MECOM: variants seen among roughly 807,000 people sequenced by gnomAD.
MECOM encodes the protein MDS1 and EVI1 complex locus.
A neutral mutation model predicts 116.3 loss-of-function variants in MECOM; 13 were observed. That is an observed-to-expected ratio of 0.11 (90% CI 0.07 to 0.18). The LOEUF (loss-of-function observed/expected upper bound fraction) is 0.18, where lower values mean the gene tolerates loss of function less well. Ranked by LOEUF, MECOM falls within the 10% of genes least tolerant of loss-of-function variation. The pLI, the probability that MECOM is intolerant of heterozygous loss-of-function variation, is 1.00. For synonymous variants in MECOM, 528 were observed against 535.2 expected (o/e 0.99, Z 0.19); for missense variants, 1,299 against 1,509.0 (o/e 0.86, Z 2.31).
At position 169,373,749 on chromosome 3, in the gene MECOM, C is replaced by G. The variant is rs1213522198; in HGVS notation, c.375+7438G>C. Among the ~76,000 whole-genome samples the G allele has an allele frequency of 3.3e-5, 5 of 152,034 alleles. No homozygotes were observed. In the South Asian group the frequency reaches 1.0e-3, roughly 31 times the overall value. On this transcript the variant is annotated intron_variant, in intron 2 of 16. Transcript: ENST00000651503. ...TTGGAGTAGTTTCCCTAGAATCACA[C>G]AGTTAGTGACAGAAGCAAGACTGGA...
intron 2 of MECOM, among the ~76,000 whole-genome samples, chr3:169,255,963 C>T (rs1182970492): frequency 1.3e-5 from 2 of 152,112 alleles, no homozygotes; most frequent in African/African-American, 4.8e-5. Context: ...TTACTCTTTT[C>T]CTGCCTTTCT....
chr3:169,614,397 T>C (rs1769721104), intron 1 of MECOM, among the ~76,000 whole-genome samples: 1 of 152,074 alleles, frequency 6.6e-6, no homozygotes, highest in South Asian at 2.1e-4. Flanking sequence ...CTGGATTAAT[T>C]TCAAATCAAT....
intron 1 of MECOM, among the ~76,000 whole-genome samples, chr3:169,433,325 G>T (rs1741952876): frequency 6.6e-6 from 1 of 151,972 alleles, no homozygotes; most frequent in South Asian, 2.1e-4. Context: ...AAAATGTGCT[G>T]GGTGTGGTGG....
At chr3:169,424,635 C>A (rs1477116933) in intron 1 of MECOM, among the ~76,000 whole-genome samples, 1 of 152,182 alleles carries the variant, frequency 6.6e-6, no homozygotes, top group Non-Finnish European at 1.5e-5. Context: ...TCTTCCCTCA[C>A]AGAGCTGCCT....
At chr3:169,427,175 T>C (rs16853703) in intron 1 of MECOM, among the ~76,000 whole-genome samples, 23,118 of 146,276 alleles carry the variant, frequency 0.16, 1,955 homozygotes, top group East Asian at 0.36. Context: ...AACTTTTTAG[T>C]ATTTCCAATT....
chr3:169,520,765 A>T (rs1420753485), intron 1 of MECOM, among the ~76,000 whole-genome samples: 3 of 152,142 alleles, frequency 2.0e-5, no homozygotes, highest in Non-Finnish European at 4.4e-5. Context: ...AAAAACTTAA[A>T]ATCTTAATCT....
intron 2 of MECOM, among the ~76,000 whole-genome samples, chr3:169,290,675 C>T (rs952000748): frequency 6.6e-6 from 1 of 152,106 alleles, no homozygotes; most frequent in Non-Finnish European, 1.5e-5. Flanking sequence ...TCTGATGATG[C>T]TGATGGTGTA....
At chr3:169,565,061 G>C (rs1223044815) in intron 1 of MECOM, among the ~76,000 whole-genome samples, 1 of 152,134 alleles carries the variant, frequency 6.6e-6, no homozygotes, top group African/African-American at 2.4e-5. Flanking sequence ...AGCCACCCCT[G>C]AGGTACACAC....
chr3:169,505,278 T>G (rs56088920), intron 1 of MECOM, among the ~76,000 whole-genome samples: 25,273 of 151,468 alleles, frequency 0.17, 2,265 homozygotes, highest in East Asian at 0.33. Flanking sequence ...TTAAATAAAG[T>G]CAAAATCCTT....
chr3:169,605,998 G>A (rs967603421), intron 1 of MECOM, among the ~76,000 whole-genome samples: 4 of 152,114 alleles, frequency 2.6e-5, no homozygotes, highest in Non-Finnish European at 4.4e-5. Flanking sequence ...TTTCCAAGCA[G>A]GTGAAAGTTG....
At chr3:169,343,915 T>A (rs1438662115) in intron 2 of MECOM, among the ~76,000 whole-genome samples, 2 of 152,172 alleles carry the variant, frequency 1.3e-5, no homozygotes, top group Non-Finnish European at 2.9e-5. Context: ...AACAAACTTT[T>A]GCTTTAAACT....
chr3:169,438,930 TA>T (rs968859228), intron 1 of MECOM, among the ~76,000 whole-genome samples: 2 of 151,946 alleles, frequency 1.3e-5, no homozygotes, highest in African/African-American at 4.8e-5. Context: ...AAACATAAAT[TA>T]AAAACAATCT....
chr3:169,378,524 A>G lies in MECOM; in HGVS notation c.375+2663T>C, dbSNP rs377579809. Among the ~76,000 whole-genome samples, 280 of 43,602 alleles carry G rather than the reference A, an allele frequency of 6.4e-3. 35 individuals are homozygous for G. Among genetic ancestry groups the G allele is most frequent in the African/African-American group, 0.011 (109 of 9,686 alleles). 28.6% of individuals were successfully genotyped at this position (43,602 alleles called of 152,430 possible). ...AAGAAAGAAAGAAAGAAAAGAAAGA[A>G]AGAAAGAAAGAAAGAAAGAAAGAAA... On this transcript the variant is annotated intron_variant, in intron 2 of 16. Coordinates refer to ENST00000651503, the MANE Select transcript of MECOM (RefSeq NM_004991.4).
intron 11 of MECOM, 123 bp from the exon 12 acceptor site, chr3:169,101,085 G>C: frequency 2.0e-6 from 1 of 488,048 alleles, no homozygotes; most frequent in Non-Finnish European, 3.5e-6. Context: ...ACATTTCTTT[G>C]GTATTTAAAA....
intron 2 of MECOM, among the ~76,000 whole-genome samples, chr3:169,166,007 T>C (rs927091415): frequency 1.3e-5 from 2 of 152,264 alleles, no homozygotes; most frequent in South Asian, 2.1e-4. Flanking sequence ...ATGTCTATCA[T>C]GAATTCCACT....
At chr3:169,442,532 A>G (rs971929049) in intron 1 of MECOM, among the ~76,000 whole-genome samples, 9 of 152,230 alleles carry the variant, frequency 5.9e-5, no homozygotes, top group African/African-American at 2.2e-4. Flanking sequence ...AGGTGGGTAT[A>G]CTAATGTAAT....
chr3:169,127,749 A>C, intron 5 of MECOM, 95 bp downstream of exon 5: 2 of 980,090 alleles, frequency 2.0e-6, no homozygotes, highest in East Asian at 4.8e-5. Flanking sequence ...AGCTCACTGG[A>C]GTTCCAAATT....
chr3:169,385,894 A>G (rs1733241181), intron 1 of MECOM, among the ~76,000 whole-genome samples: 1 of 152,196 alleles, frequency 6.6e-6, no homozygotes, highest in Non-Finnish European at 1.5e-5. Context: ...CAGTGGTCCC[A>G]TAAAGATAAA....
intron 1 of MECOM, among the ~76,000 whole-genome samples, chr3:169,563,678 G>A (rs1441516907): frequency 1.3e-5 from 2 of 152,138 alleles, no homozygotes; most frequent in Non-Finnish European, 2.9e-5. Context: ...TAATAGTTCC[G>A]GTGTGAAGGG....
Sources: allele counts gnomAD v4.1 joint callset (sites outside exome capture counted in the v4.1 genomes callset), GRCh38; gene constraint gnomAD v4.1.1; transcripts MANE v1.5; gene names NCBI Gene and HGNC (gene_info 2026-07-23, HGNC 2026-07-21).